BAZ2B: variants seen among roughly 807,000 people sequenced by gnomAD.
The protein encoded by BAZ2B is bromodomain adjacent to zinc finger domain 2B, also known as bromodomain adjacent to zinc finger domain protein 2B.
In BAZ2B, 91 loss-of-function variants were observed where a neutral mutation model predicts 246.0. The ratio of observed to expected loss-of-function variants is 0.37; its 90% confidence interval spans 0.31 to 0.44. The LOEUF (loss-of-function observed/expected upper bound fraction) is 0.44. Ranked by LOEUF, BAZ2B falls within the 20% of genes least tolerant of loss-of-function variation. The pLI is 1.00. For missense variants in BAZ2B, 2,332 were observed against 2,533.7 expected, an observed-to-expected ratio of 0.92 and a Z score of 1.71; for synonymous variants, 855 against 860.0, an observed-to-expected ratio of 0.99 and a Z score of 0.10.
At chr2:159,569,003 T>C (rs1441287508) in intron 1 of BAZ2B, among the ~76,000 whole-genome samples, 2 of 145,308 alleles carry the variant, frequency 1.4e-5, no homozygotes, top group Non-Finnish European at 3.0e-5. Context: ...TGAAATGATC[T>C]TTTTTTTCTA....
chr2:159,561,323 T>C (rs886905071), intron 1 of BAZ2B, among the ~76,000 whole-genome samples: 5 of 152,180 alleles, frequency 3.3e-5, no homozygotes, highest in Admixed American at 2.0e-4. Context: ...ACCTTTGGGT[T>C]TGGTCCCTCT....
intron 2 of BAZ2B, among the ~76,000 whole-genome samples, chr2:159,530,141 G>C (rs1156526495): frequency 6.6e-6 from 1 of 152,112 alleles, no homozygotes; most frequent in Non-Finnish European, 1.5e-5. Context: ...TTAGACACTG[G>C]CCTGCAAAGG....
chr2:159,631,920 A>G, the BAZ2B span, among the ~76,000 whole-genome samples: 1 of 152,220 alleles, frequency 6.6e-6, no homozygotes, highest in African/African-American at 2.4e-5. Flanking sequence ...ATATATCACA[A>G]GATTTCAACA....
intron 1 of BAZ2B, among the ~76,000 whole-genome samples, chr2:159,589,606 T>C (rs1439183102): frequency 3.9e-5 from 6 of 152,214 alleles, no homozygotes; most frequent in African/African-American, 1.2e-4. Flanking sequence ...AATAAGAATA[T>C]AAAGCATTCA....
intron 2 of BAZ2B, among the ~76,000 whole-genome samples, chr2:159,524,349 G>T (rs2084492452): frequency 6.6e-6 from 1 of 152,116 alleles, no homozygotes; most frequent in Non-Finnish European, 1.5e-5. Flanking sequence ...CAGCTACTCA[G>T]CAGGCTAAGG....
chr2:159,650,895 C>G, the BAZ2B span, among the ~76,000 whole-genome samples: 2 of 152,284 alleles, frequency 1.3e-5, no homozygotes, highest in Non-Finnish European at 2.9e-5. Flanking sequence ...TCCTTTGTTG[C>G]CCAATGCCCA....
chr2:159,550,926 C>T (rs1259405448), intron 2 of BAZ2B, among the ~76,000 whole-genome samples: 2 of 152,116 alleles, frequency 1.3e-5, no homozygotes, highest in Admixed American at 6.5e-5. Flanking sequence ...GCCTTGAACT[C>T]CTGGACTCAA....
At chr2:159,562,418 T>C (rs1411877212) in intron 1 of BAZ2B, among the ~76,000 whole-genome samples, 1 of 152,192 alleles carries the variant, frequency 6.6e-6, no homozygotes, top group Non-Finnish European at 1.5e-5. Context: ...TTTCCACACT[T>C]TACCACTCTA....
intron 14 of BAZ2B, among the ~76,000 whole-genome samples, chr2:159,408,774 G>T (rs1209638920): frequency 6.6e-6 from 1 of 152,136 alleles, no homozygotes; most frequent in African/African-American, 2.4e-5. Context: ...GCAAAAATTA[G>T]CCGGGCGTTG....
In BAZ2B at chr2:159,432,902, T is replaced by C; in HGVS notation, c.1755A>G (p.Lys585=). 6.2e-7 allele frequency: 1 copy of C among 1,614,130 alleles called. No individual in the cohort carries two copies. Among genetic ancestry groups the C allele is most frequent in the Non-Finnish European group, 8.5e-7 (1 of 1,180,012 alleles). The change falls in exon 9 of 37, where the codon AAA becomes AAG. Residue 585 remains lysine, a synonymous_variant. Transcript: ENST00000392783. ...TTCCTCTGAATTGTTCCACTAAAGA[T>C]TTTGCAGGATGGGAGTGATGCTGTG... The part of the protein sequence containing the change: ...VKTQHHSHPA[K]SLVEQFRGTD...
At chr2:159,652,163 G>A in the BAZ2B span, among the ~76,000 whole-genome samples, 1 of 151,240 alleles carries the variant, frequency 6.6e-6, no homozygotes, top group African/African-American at 2.4e-5. Context: ...CCCCAGCAAT[G>A]TACAGGGATG....
intron 25 of BAZ2B, among the ~76,000 whole-genome samples, chr2:159,379,418 A>T (rs1270892929): frequency 6.6e-6 from 1 of 152,184 alleles, no homozygotes; most frequent in Admixed American, 6.5e-5. Context: ...GCTGTTGTAC[A>T]ACCTCATGCC....
At chr2:159,616,848 G>T (rs1475886525), upstream of BAZ2B, 1 of 152,100 alleles carries the variant, frequency 6.6e-6, no homozygotes, top group South Asian at 2.1e-4. Context: ...AAAAACAAAA[G>T]CTACAGAGTA....
intron 2 of BAZ2B, among the ~76,000 whole-genome samples, chr2:159,532,446 T>C (rs2085474734): frequency 6.6e-6 from 1 of 152,130 alleles, no homozygotes; most frequent in Non-Finnish European, 1.5e-5. Flanking sequence ...TGCAAAATAT[T>C]ACGGGGAGAA....
Position 159,373,148 on chromosome 2 carries a change from G to A in BAZ2B, c.4110C>T (p.His1370=), listed in dbSNP as rs776141617. The A allele has an allele frequency of 1.9e-6, 3 of 1,613,998 alleles. No individual in the cohort carries two copies. In the South Asian group the frequency reaches 3.3e-5, roughly 18 times the overall value. The change falls in exon 27 of 37, where the codon CAC becomes CAT. Residue 1370 remains histidine, a synonymous_variant. Transcript: ENST00000392783. Reference sequence around the variant, plus strand: ...GGCCAAACATCACTGAACGCAATGAGTGAGACGCATCAAAGAGCTTCCTTC... The same window carrying A: ...GGCCAAACATCACTGAACGCAATGAATGAGACGCATCAAAGAGCTTCCTTC... ...QYRRKLFDAS[H]SLRSVMFGQD... is the part of the protein sequence containing the mutation.
intron 25 of BAZ2B, among the ~76,000 whole-genome samples, chr2:159,379,427 C>G (rs1467565667): frequency 6.6e-6 from 1 of 152,008 alleles, no homozygotes; most frequent in Non-Finnish European, 1.5e-5. Flanking sequence ...CAACCTCATG[C>G]CCATAGTTAC....
chr2:159,560,718 G>A (rs1202615456), intron 1 of BAZ2B, among the ~76,000 whole-genome samples: 2 of 151,910 alleles, frequency 1.3e-5, no homozygotes, highest in Non-Finnish European at 2.9e-5. Context: ...AGTAGAGACG[G>A]GATTTCACCA....
chr2:159,538,877 T>C (rs915652365), intron 2 of BAZ2B, among the ~76,000 whole-genome samples: 2 of 152,198 alleles, frequency 1.3e-5, no homozygotes, highest in African/African-American at 4.8e-5. Flanking sequence ...AGTAACAAAA[T>C]GCAACATAAC....
intron 3 of BAZ2B, chr2:159,461,304 T>C (rs1220921211): frequency 6.6e-6 from 1 of 152,574 alleles, no homozygotes; most frequent in African/African-American, 2.4e-5. Context: ...ATTACACACA[T>C]ACCTGCCAAT....
Sources: gnomAD v4.1 joint callset for allele counts (sites outside exome capture counted in the v4.1 genomes callset) on GRCh38, gnomAD v4.1.1 for gene constraint, MANE v1.5 for transcripts, NCBI Gene and HGNC (gene_info 2026-07-23, HGNC 2026-07-21) for gene names.